CENPP: variants seen among roughly 807,000 people sequenced by gnomAD.
The protein encoded by CENPP is centromere protein P.
CENPP carries 24 observed loss-of-function variants against 35.6 expected under a neutral mutation model. The ratio of observed to expected loss-of-function variants is 0.67; its 90% confidence interval spans 0.49 to 0.95. CENPP has a LOEUF of 0.95. Among genes scored for constraint, CENPP ranks in the 40% least tolerant of loss-of-function variants. CENPP has a pLI of 0.00. For synonymous variants in CENPP, 120 were observed against 125.5 expected, an observed-to-expected ratio of 0.96 and a Z score of 0.29; for missense variants, 332 against 345.3, an observed-to-expected ratio of 0.96 and a Z score of 0.31.
chr9:92,366,678 G>T (rs2130844743), intron 4 of CENPP, among the ~76,000 whole-genome samples: 1 of 152,226 alleles, frequency 6.6e-6, no homozygotes, highest in South Asian at 2.1e-4. Flanking sequence ...TACCTGGAAG[G>T]GATTTGGGAA....
intron 5 of CENPP, among the ~76,000 whole-genome samples, chr9:92,506,452 T>G (rs1040157409): frequency 1.2e-4 from 19 of 152,290 alleles, no homozygotes; most frequent in African/African-American, 4.6e-4. Flanking sequence ...AGTTCTGTGC[T>G]GCAAAATGGA....
intron 5 of CENPP, among the ~76,000 whole-genome samples, chr9:92,416,092 T>C (rs1398678093): frequency 7.3e-6 from 1 of 137,100 alleles, no homozygotes; most frequent in Non-Finnish European, 1.6e-5. Flanking sequence ...ATTTATTTAT[T>C]TATTTATTTT....
chr9:92,613,323 G>A lies in CENPP; in HGVS notation c.*174G>A, dbSNP rs1254273213. 2 of 664,504 alleles carry A rather than the reference G, an allele frequency of 3.0e-6. No individual in the cohort carries two copies. Among genetic ancestry groups the A allele is most frequent in the Non-Finnish European group, 5.0e-6 (2 of 400,354 alleles). The allele number at this position is 664,504 out of a possible 1,614,324, so 41.2% of individuals were successfully genotyped here. On this transcript the variant is annotated 3_prime_UTR_variant, in exon 8 of 8. Coordinates refer to ENST00000375587, the MANE Select transcript of CENPP (RefSeq NM_001012267.3). The stretch of plus-strand genomic sequence containing the variant: ...ATGACATGAAAAATAAATACAACTA[G>A]TTAAGTATAAAATGCCAAATAAAAG...
rs780456121 is a variant in CENPP, at chr9:92,608,670, G to T, written c.565-2644G>T. Among the ~76,000 whole-genome samples the T allele has an allele frequency of 5.9e-5, 9 of 152,328 alleles. No homozygotes were observed. In the Middle Eastern group the frequency reaches 0.01, roughly 173 times the overall value. ...TCAGTGACCGTGACCTTGGCTAAAA[G>T]AATGGAGCATTATTAACTTCCACAA... On this transcript the variant is annotated intron_variant, in intron 5 of 7. Coordinates refer to ENST00000375587, the MANE Select transcript of CENPP (RefSeq NM_001012267.3).
At chr9:92,612,038 G>T (rs192841757) in intron 6 of CENPP, among the ~76,000 whole-genome samples, 1 of 152,288 alleles carries the variant, frequency 6.6e-6, no homozygotes, top group South Asian at 2.1e-4. Flanking sequence ...TCATCCTCCC[G>T]GAGGGGATCA....
In CENPP at chr9:92,447,261, A is replaced by G. The variant is rs1844576956; in HGVS notation, c.564+67402A>G. 1.3e-5 allele frequency among the ~76,000 whole-genome samples: 2 copies of G among 152,102 alleles called. 1 individual carries two copies. The highest frequency in any genetic ancestry group is 4.1e-4 in the South Asian group (2 of 4,820). ...CATTGTAATATATAATGAAATAATT[A>G]TACAGATCACCATCATGTAGAATCA... On this transcript the variant is annotated intron_variant, in intron 5 of 7. Coordinates refer to ENST00000375587, the MANE Select transcript of CENPP (RefSeq NM_001012267.3).
chr9:92,362,749 G>T (rs1168449066), intron 4 of CENPP, among the ~76,000 whole-genome samples: 1 of 152,136 alleles, frequency 6.6e-6, no homozygotes, highest in Non-Finnish European at 1.5e-5. Flanking sequence ...TTTGCAAAAT[G>T]ATGATTTTTC....
intron 5 of CENPP, among the ~76,000 whole-genome samples, chr9:92,601,844 G>A (rs1358284395): frequency 6.6e-6 from 1 of 152,212 alleles, no homozygotes; most frequent in African/African-American, 2.4e-5. Flanking sequence ...TCGTGCCTGC[G>A]TGTTTTGAAT....
chr9:92,376,384 TG>T (rs1842124821), intron 4 of CENPP, among the ~76,000 whole-genome samples: 1 of 152,230 alleles, frequency 6.6e-6, no homozygotes, highest in Non-Finnish European at 1.5e-5. Context: ...CATTGTTGTC[TG>T]GGGTAATACC....
intron 5 of CENPP, chr9:92,482,442 G>A (rs1845943858): frequency 6.6e-6 from 1 of 152,090 alleles, no homozygotes; most frequent in Admixed American, 6.6e-5. Flanking sequence ...ACACAGTCCT[G>A]GTGTGGCTGC....
chr9:92,347,768 A>G (rs1841332519), intron 4 of CENPP, among the ~76,000 whole-genome samples: 1 of 152,178 alleles, frequency 6.6e-6, no homozygotes, highest in African/African-American at 2.4e-5. Context: ...GAACAACAGT[A>G]TACTTTCCAT....
chr9:92,458,862 A>G (rs951328807), intron 5 of CENPP, among the ~76,000 whole-genome samples: 2 of 152,182 alleles, frequency 1.3e-5, no homozygotes, highest in African/African-American at 4.8e-5. Context: ...ATTCATTTTG[A>G]TGGTTTGTAT....
intron 4 of CENPP, among the ~76,000 whole-genome samples, chr9:92,359,810 T>C (rs1841695760): frequency 6.6e-6 from 1 of 151,706 alleles, no homozygotes. Context: ...TTTTGCTTGC[T>C]CTGGCTTCTA....
At chr9:92,415,236 A>T in intron 5 of CENPP, 1 of 1,613,872 alleles carries the variant, frequency 6.2e-7, no homozygotes, top group Non-Finnish European at 8.5e-7. Flanking sequence ...TGTCAGGATC[A>T]TCGTGATCTT....
intron 5 of CENPP, among the ~76,000 whole-genome samples, chr9:92,592,661 T>A (rs775252041): frequency 1.3e-5 from 2 of 152,226 alleles, no homozygotes; most frequent in African/African-American, 4.8e-5. Flanking sequence ...CATATACATA[T>A]GCTCAGCTTT....
At chr9:92,501,185 T>C (rs1212496107) in intron 5 of CENPP, 1 of 896,894 alleles carries the variant, frequency 1.1e-6, no homozygotes, top group Non-Finnish European at 1.7e-6. Flanking sequence ...TGATTCCAAA[T>C]AGGAACTTTT....
chr9:92,376,196 T>C lies in CENPP; in HGVS notation c.468-3567T>C, dbSNP rs77167924. Among the ~76,000 whole-genome samples the C allele has an allele frequency of 4.6e-3, 704 of 152,324 alleles. 4 individuals carry two copies. Among genetic ancestry groups the C allele is most frequent in the African/African-American group, 0.015 (614 of 41,566 alleles). On this transcript the variant is annotated intron_variant, in intron 4 of 7. Coordinates refer to ENST00000375587, the MANE Select transcript of CENPP (RefSeq NM_001012267.3). Reference sequence around the variant, plus strand: ...AGTTCCCTGGTATACTTGAGCACTTTTTCCAAGACTTTATTCCCCAAAGAT... The same window carrying C: ...AGTTCCCTGGTATACTTGAGCACTTCTTCCAAGACTTTATTCCCCAAAGAT...
chr9:92,490,510 A>G (rs1332806427), intron 5 of CENPP, among the ~76,000 whole-genome samples: 2 of 152,356 alleles, frequency 1.3e-5, no homozygotes, highest in Non-Finnish European at 2.9e-5. Context: ...TGTTTCTGCC[A>G]TGAGGACATT....
intron 4 of CENPP, among the ~76,000 whole-genome samples, chr9:92,360,794 T>G (rs1588058783): frequency 1.3e-5 from 2 of 152,166 alleles, no homozygotes; most frequent in Non-Finnish European, 2.9e-5. Flanking sequence ...AAGCTCTGCC[T>G]CCTGGGTTCA....
Sources: gnomAD v4.1 joint callset for allele counts (sites outside exome capture counted in the v4.1 genomes callset) on GRCh38, gnomAD v4.1.1 for gene constraint, MANE v1.5 for transcripts, NCBI Gene and HGNC (gene_info 2026-07-23, HGNC 2026-07-21) for gene names.